Variants in XRCC4 observed in about 807,000 individuals in gnomAD.
The protein encoded by XRCC4 is DNA repair protein XRCC4.
XRCC4 carries 28 observed loss-of-function variants against 39.1 expected under a neutral mutation model. The observed-to-expected ratio is 0.72, with a 90% CI of 0.53 to 0.98. The LOEUF is 0.98. Among genes scored for constraint, XRCC4 ranks in the 50% least tolerant of loss-of-function variants. The probability of loss-of-function intolerance (pLI) is 0.00; values close to 1 mark genes in which losing one functional copy is unlikely to be tolerated. For synonymous variants in XRCC4, 123 were observed against 126.4 expected, an observed-to-expected ratio of 0.97 and a Z score of 0.18; for missense variants, 350 against 376.4, an observed-to-expected ratio of 0.93 and a Z score of 0.58.
intron 3 of XRCC4, among the ~76,000 whole-genome samples, chr5:83,192,806 T>C (rs1296161640): frequency 6.6e-6 from 1 of 152,144 alleles, no homozygotes; most frequent in Non-Finnish European, 1.5e-5. Context: ...AGAGACATGC[T>C]CTCAAAATGT....
At chr5:83,355,568 T>G (rs1757180813), downstream of XRCC4, among the ~76,000 whole-genome samples, 1 of 152,230 alleles carries the variant, frequency 6.6e-6, no homozygotes, top group Admixed American at 6.5e-5. Flanking sequence ...AAAGAAATAA[T>G]TATTCAGAAA....
At chr5:83,162,786 T>C (rs1326401924) in intron 3 of XRCC4, among the ~76,000 whole-genome samples, 3 of 152,190 alleles carry the variant, frequency 2.0e-5, no homozygotes. Flanking sequence ...ACTTTCATCT[T>C]GTCCCTAGTG....
Position 83,280,472 on chromosome 5 carries a change from T to C in XRCC4, c.893+21795T>C, listed in dbSNP as rs529220646. 1.1e-4 allele frequency: 86 copies of C among 811,934 alleles called. No homozygotes were observed. In the African/African-American group the frequency reaches 1.3e-3, roughly 12 times the overall value. 50.3% of individuals were successfully genotyped at this position (811,934 alleles called of 1,614,324 possible). A position where few individuals can be genotyped will look rare whatever the true frequency, so the allele number is the denominator to read the frequency against. On this transcript the variant is annotated intron_variant, in intron 7 of 7. Coordinates refer to ENST00000396027, the MANE Select transcript of XRCC4 (RefSeq NM_003401.5). The stretch of plus-strand genomic sequence containing the variant: ...CTTGCACATATCTCCTTAGGCAAAA[T>C]TGAGGTATGTAGTAGAAGAGTTCTG...
intron 6 of XRCC4, among the ~76,000 whole-genome samples, chr5:83,231,102 A>G (rs923533053): frequency 6.6e-6 from 1 of 152,036 alleles, no homozygotes; most frequent in African/African-American, 2.4e-5. Context: ...AGTGGAAAAG[A>G]TTTAGACTGT....
intron 7 of XRCC4, among the ~76,000 whole-genome samples, chr5:83,304,785 A>G (rs1755420702): frequency 6.6e-6 from 1 of 152,136 alleles, no homozygotes; most frequent in Non-Finnish European, 1.5e-5. Context: ...TTAGTTGGAT[A>G]GGACTAATTT....
chr5:83,341,306 G>A (rs531346579), intron 7 of XRCC4, among the ~76,000 whole-genome samples: 1 of 151,822 alleles, frequency 6.6e-6, no homozygotes, highest in South Asian at 2.1e-4. Context: ...CATAGCTATT[G>A]TAGACACATG....
At chr5:83,177,627 G>A (rs1383588595) in intron 3 of XRCC4, among the ~76,000 whole-genome samples, 1 of 152,022 alleles carries the variant, frequency 6.6e-6, no homozygotes, top group African/African-American at 2.4e-5. Flanking sequence ...ATTCTAATAG[G>A]GTCAGAGTGA....
intron 3 of XRCC4, among the ~76,000 whole-genome samples, chr5:83,143,886 G>A (rs1393930655): frequency 6.6e-6 from 1 of 151,746 alleles, no homozygotes; most frequent in Non-Finnish European, 1.5e-5. Context: ...CGACTATGAT[G>A]TGCCTAGGAG....
downstream of XRCC4, among the ~76,000 whole-genome samples, chr5:83,356,354 T>C (rs1042472289): frequency 1.3e-5 from 2 of 152,218 alleles, no homozygotes; most frequent in East Asian, 1.9e-4. Flanking sequence ...TATATAGATA[T>C]AGTGAAAGAG....
At chr5:83,360,404 C>G in the XRCC4 span, among the ~76,000 whole-genome samples, 1 of 152,044 alleles carries the variant, frequency 6.6e-6, no homozygotes, top group African/African-American at 2.4e-5. Flanking sequence ...TTTCTGTCTG[C>G]TGAAAGAGGT....
intron 3 of XRCC4, among the ~76,000 whole-genome samples, chr5:83,160,229 A>G (rs774598428): frequency 7.9e-5 from 12 of 152,212 alleles, no homozygotes; most frequent in Non-Finnish European, 1.6e-4. Flanking sequence ...AAACCATTTG[A>G]ATTATATCAA....
intron 6 of XRCC4, among the ~76,000 whole-genome samples, chr5:83,225,605 GAAAAAAAAAAAAA>G (rs869143323): frequency 1.7e-5 from 1 of 60,366 alleles, no homozygotes; most frequent in African/African-American, 4.8e-5. Context: ...ATTTATTCCA[GAAAAAAAAAAAAA>G]AAAAAAAAGG....
Position 83,308,592 on chromosome 5 carries a change from C to T in XRCC4, c.894-44539C>T, listed in dbSNP as rs530977011. On this transcript the variant is annotated intron_variant, in intron 7 of 7. Coordinates refer to ENST00000396027, the MANE Select transcript of XRCC4 (RefSeq NM_003401.5). ...TTCAAAGGCTCCCTTTAAAAATATT[C>T]CTCTTTACATTCTAAGAACATGTAG... 2.0e-5 allele frequency among the ~76,000 whole-genome samples: 3 copies of T among 152,166 alleles called. No homozygotes were observed. In the East Asian group the frequency reaches 5.8e-4, roughly 29 times the overall value.
At position 83,191,577 on chromosome 5, in the gene XRCC4, G is replaced by A. The variant is rs1394851469; in HGVS notation, c.316-4193G>A. Reference sequence around the variant, plus strand: ...AATTAGGGCATGGTGGCCCACCCCTGTAATCCCAGCTACTCAGGAGGCTGA... The same window carrying A: ...AATTAGGGCATGGTGGCCCACCCCTATAATCCCAGCTACTCAGGAGGCTGA... On this transcript the variant is annotated intron_variant, in intron 3 of 7. Transcript: ENST00000396027. Among the ~76,000 whole-genome samples, 4 of 152,188 alleles carry A rather than the reference G, an allele frequency of 2.6e-5. No individual in the cohort carries two copies. In the East Asian group the frequency reaches 7.7e-4, roughly 29 times the overall value.
intron 6 of XRCC4, among the ~76,000 whole-genome samples, chr5:83,207,734 C>G (rs959008968): frequency 1.3e-5 from 2 of 152,004 alleles, no homozygotes; most frequent in Non-Finnish European, 2.9e-5. Context: ...ATTAATTCTT[C>G]TACAGAGACA....
chr5:83,109,742 G>A (rs1270959566), intron 2 of XRCC4, among the ~76,000 whole-genome samples: 1 of 151,930 alleles, frequency 6.6e-6, no homozygotes, highest in Non-Finnish European at 1.5e-5. Flanking sequence ...ATCTGAACTA[G>A]ATATACTTCT....
chr5:83,246,437 A>G (rs1463053607), intron 6 of XRCC4, among the ~76,000 whole-genome samples: 1 of 152,132 alleles, frequency 6.6e-6, no homozygotes, highest in African/African-American at 2.4e-5. Context: ...ATGTTTATAG[A>G]TTAACAAATC....
At chr5:83,236,939 A>G (rs1404473777) in intron 6 of XRCC4, among the ~76,000 whole-genome samples, 1 of 152,166 alleles carries the variant, frequency 6.6e-6, no homozygotes, top group African/African-American at 2.4e-5. Context: ...AAGACATACA[A>G]ATGGCCAAAG....
At chr5:83,166,614 C>G (rs1354991291) in intron 3 of XRCC4, among the ~76,000 whole-genome samples, 2 of 151,676 alleles carry the variant, frequency 1.3e-5, no homozygotes, top group African/African-American at 4.8e-5. Flanking sequence ...CAAACATGTG[C>G]CACCACGCCT....
Sources: gnomAD v4.1 joint callset for allele counts (sites outside exome capture counted in the v4.1 genomes callset) on GRCh38, gnomAD v4.1.1 for gene constraint, MANE v1.5 for transcripts, NCBI Gene and HGNC (gene_info 2026-07-23, HGNC 2026-07-21) for gene names.